Variants in ROBO2 observed in about 807,000 individuals in gnomAD.
The protein encoded by ROBO2 is roundabout homolog 2.
In ROBO2, 53 loss-of-function variants were observed where a neutral mutation model predicts 160.8. That is an observed-to-expected ratio of 0.33 (90% CI 0.26 to 0.41). ROBO2 has a LOEUF of 0.41. Among genes scored for constraint, ROBO2 ranks in the 10% least tolerant of loss-of-function variants. The probability of loss-of-function intolerance (pLI) is 1.00; values close to 1 mark genes in which losing one functional copy is unlikely to be tolerated. For missense variants in ROBO2, 1,577 were observed against 1,722.4 expected, an observed-to-expected ratio of 0.92 and a Z score of 1.49; for synonymous variants, 664 against 611.7, an observed-to-expected ratio of 1.09 and a Z score of -1.26.
At chr3:76,910,751 A>G (rs952447190) in intron 2 of ROBO2, among the ~76,000 whole-genome samples, 2 of 150,738 alleles carry the variant, frequency 1.3e-5, no homozygotes, top group African/African-American at 2.4e-5. Context: ...AAAAGAAAAA[A>G]AAAGAAATCA....
rs1397659801 is a variant in ROBO2 at position 76,524,858 on chromosome 3, AAAAAAAAAT to A, written c.110-573153_110-573145del. 3.1e-4 allele frequency among the ~76,000 whole-genome samples: 44 copies of A among 141,196 alleles called. 1 individual carries two copies. Among genetic ancestry groups the A allele is most frequent in the African/African-American group, 1.2e-3 (44 of 35,748 alleles). 92.6% of individuals were successfully genotyped at this position (141,196 alleles called of 152,430 possible). ...AAAAAAAAAAAAAAAAAAAAAAAAA[AAAAAAAAAT>A]AAGTAAAATCAGATACATCAAATAA... On this transcript the variant is annotated intron_variant, in intron 2 of 26. Transcript: ENST00000487694.
chr3:76,765,405 T>C (rs137884421), intron 2 of ROBO2, among the ~76,000 whole-genome samples: 36 of 151,456 alleles, frequency 2.4e-4, no homozygotes, highest in African/African-American at 7.5e-4. Flanking sequence ...TTGAAAAGAG[T>C]TGAAAATTCT....
In ROBO2 at chr3:77,098,047, G is replaced by A. The variant is rs754279676; in HGVS notation, c.95G>A (p.Arg32Gln). 2 of 1,586,712 alleles carry A rather than the reference G, an allele frequency of 1.3e-6. No homozygotes were observed. The highest frequency in any genetic ancestry group is 1.7e-6 in the Non-Finnish European group (2 of 1,160,384). Reference sequence around the variant, plus strand: ...CTTCGCCAGGAGGACTTTCCCCCGCGGATTGTGGAGCATCCTTCCGATGTC... The same window carrying A: ...CTTCGCCAGGAGGACTTTCCCCCGCAGATTGTGGAGCATCCTTCCGATGTC... Residue 32 changes from arginine to glutamine, a missense_variant, in exon 2 of 26, where the codon CGG becomes CAG. Around this residue, in one of 2 missense-constraint regions of ROBO2, gnomAD observed 940 missense variants for 1,135.5 expected, o/e 0.83. Coordinates refer to ENST00000461745, the Ensembl canonical transcript of ROBO2.
At position 77,028,009 on chromosome 3, in the gene ROBO2, G is replaced by A. The variant is rs2063081833; in HGVS notation, c.110-70005G>A. 3.9e-5 allele frequency among the ~76,000 whole-genome samples: 6 copies of A among 152,078 alleles called. No individual in the cohort carries two copies. The South Asian group carries it at 1.2e-3, about 31-fold the overall frequency. On this transcript the variant is annotated intron_variant, in intron 2 of 26. Coordinates refer to the ROBO2 transcript ENST00000487694. ...TTTTTGTTTCAGTGAAACCAAGCCT[G>A]TGGAATATTCCTCTCTACTTCCTCA...
chr3:76,651,824 G>T (rs1364609521), intron 2 of ROBO2, among the ~76,000 whole-genome samples: 1 of 152,118 alleles, frequency 6.6e-6, no homozygotes, highest in Non-Finnish European at 1.5e-5. Context: ...CCTCATAGAA[G>T]TGTATTGGTC....
intron 2 of ROBO2, among the ~76,000 whole-genome samples, chr3:76,658,598 G>C (rs1193725382): frequency 2.0e-5 from 3 of 152,002 alleles, no homozygotes; most frequent in Non-Finnish European, 4.4e-5. Flanking sequence ...TTGGTTTTCT[G>C]TCTCTGTCTT....
intron 1 of ROBO2, among the ~76,000 whole-genome samples, chr3:77,051,327 C>G (rs2065210084): frequency 2.0e-5 from 3 of 152,090 alleles, no homozygotes; most frequent in Non-Finnish European, 4.4e-5. Flanking sequence ...GCTCTTACCC[C>G]CTTGCCTCCC....
chr3:77,616,861 C>T lies in ROBO2; in HGVS notation c.3294-652C>T, dbSNP rs940869616. Among the ~76,000 whole-genome samples, 20 of 152,026 alleles carry T rather than the reference C, an allele frequency of 1.3e-4. No homozygotes were observed. The East Asian group carries it at 3.9e-3, about 29-fold the overall frequency. ...CAAAATTTTTTAAAAGGATAGATCT[C>T]GTGTTAAAGTTTTTTACTACAATAA... is the stretch of plus-strand genomic sequence containing the variant. On this transcript the variant is annotated intron_variant, in intron 21 of 25. Transcript: ENST00000461745.
At chr3:77,419,199 T>C (rs1224504752) in intron 2 of ROBO2, among the ~76,000 whole-genome samples, 1 of 152,106 alleles carries the variant, frequency 6.6e-6, no homozygotes, top group East Asian at 1.9e-4. Flanking sequence ...TGTCCTATCA[T>C]AGAAAACGTT....
intron 2 of ROBO2, among the ~76,000 whole-genome samples, chr3:76,782,271 G>A (rs73121647): frequency 0.17 from 25,166 of 150,406 alleles, 2,468 homozygotes; most frequent in Non-Finnish European, 0.22. Flanking sequence ...TTAATCTTTC[G>A]AAATCAGTTA....
At chr3:77,376,917 T>A (rs2153481930) in intron 2 of ROBO2, among the ~76,000 whole-genome samples, 1 of 152,336 alleles carries the variant, frequency 6.6e-6, no homozygotes, top group East Asian at 1.9e-4. Flanking sequence ...TCAAATACCA[T>A]CATTTTCTGA....
intron 2 of ROBO2, among the ~76,000 whole-genome samples, chr3:77,165,791 C>T (rs1240104776): frequency 6.6e-6 from 1 of 152,134 alleles, no homozygotes; most frequent in Non-Finnish European, 1.5e-5. Flanking sequence ...CAGAAGCCCT[C>T]TCATGCCGTA....
intron 2 of ROBO2, among the ~76,000 whole-genome samples, chr3:76,793,013 G>T (rs957157533): frequency 6.6e-6 from 1 of 151,684 alleles, no homozygotes; most frequent in Non-Finnish European, 1.5e-5. Flanking sequence ...AATTTTAAAT[G>T]TATAAAGGCA....
At chr3:77,022,295 A>G (rs1025887084) in intron 2 of ROBO2, among the ~76,000 whole-genome samples, 5 of 152,130 alleles carry the variant, frequency 3.3e-5, no homozygotes, top group Non-Finnish European at 5.9e-5. Flanking sequence ...GCTTGAACCC[A>G]TGACGCGGAG....
intron 2 of ROBO2, among the ~76,000 whole-genome samples, chr3:77,183,570 A>G (rs571033841): frequency 1.3e-5 from 2 of 152,002 alleles, no homozygotes; most frequent in Non-Finnish European, 2.9e-5. Flanking sequence ...CTTAGAAAGA[A>G]CCAACCCTGC....
At chr3:76,909,503 C>T (rs2075832670) in intron 2 of ROBO2, among the ~76,000 whole-genome samples, 2 of 152,184 alleles carry the variant, frequency 1.3e-5, no homozygotes, top group South Asian at 4.2e-4. Context: ...CAGAACTCAC[C>T]ACTGTACAAC....
At chr3:77,312,689 A>C (rs538921943) in intron 2 of ROBO2, among the ~76,000 whole-genome samples, 1 of 152,202 alleles carries the variant, frequency 6.6e-6, no homozygotes, top group African/African-American at 2.4e-5. Context: ...ATGACTACAT[A>C]TTTTCTTAAA....
chr3:76,273,791 A>T (rs989687219), intron 2 of ROBO2, among the ~76,000 whole-genome samples: 2 of 152,170 alleles, frequency 1.3e-5, no homozygotes, highest in African/African-American at 2.4e-5. Flanking sequence ...ACATGTGGGG[A>T]TTATGGGAAC....
chr3:76,283,996 C>T (rs1025335462), intron 2 of ROBO2, among the ~76,000 whole-genome samples: 1 of 151,900 alleles, frequency 6.6e-6, no homozygotes, highest in Non-Finnish European at 1.5e-5. Context: ...ACTTTTTGCA[C>T]TGACAATTAA....
Sources: allele counts gnomAD v4.1 joint callset (sites outside exome capture counted in the v4.1 genomes callset), GRCh38; gene constraint gnomAD v4.1.1; regional missense constraint gnomAD v4.1.1; transcripts MANE v1.5; gene names NCBI Gene and HGNC (gene_info 2026-07-23, HGNC 2026-07-21).